HS6ST3: variants seen among roughly 807,000 people sequenced by gnomAD.
HS6ST3 encodes heparan-sulfate 6-O-sulfotransferase 3.
In HS6ST3, 12 loss-of-function variants were observed where a neutral mutation model predicts 36.7. The ratio of observed to expected loss-of-function variants is 0.33; its 90% CI spans 0.21 to 0.53. HS6ST3 has a LOEUF of 0.53. Among genes scored for constraint, HS6ST3 ranks in the 20% least tolerant of loss-of-function variants. The pLI is 0.95. For missense variants in HS6ST3, 584 were observed against 640.9 expected, an observed-to-expected ratio of 0.91 and a Z score of 0.96; for synonymous variants, 240 against 257.5, an observed-to-expected ratio of 0.93 and a Z score of 0.65.
At chr13:96,441,504 G>A (rs2055671074) in intron 1 of HS6ST3, among the ~76,000 whole-genome samples, 1 of 152,064 alleles carries the variant, frequency 6.6e-6, no homozygotes, top group Non-Finnish European at 1.5e-5. Flanking sequence ...ACACTGCAAA[G>A]AAGCCCAAGA....
At chr13:96,412,251 C>T (rs913989267) in intron 1 of HS6ST3, among the ~76,000 whole-genome samples, 1 of 152,106 alleles carries the variant, frequency 6.6e-6, no homozygotes, top group Non-Finnish European at 1.5e-5. Flanking sequence ...GATCTGTCCA[C>T]CTTGGCCTCC....
intron 1 of HS6ST3, among the ~76,000 whole-genome samples, chr13:96,395,343 T>A (rs184080613): frequency 3.9e-5 from 6 of 152,376 alleles, no homozygotes; most frequent in African/African-American, 1.4e-4. Flanking sequence ...TTATCTTTAA[T>A]AGCAGACTAA....
chr13:96,584,041 T>A (rs2056352040), intron 1 of HS6ST3, among the ~76,000 whole-genome samples: 1 of 152,208 alleles, frequency 6.6e-6, no homozygotes, highest in Admixed American at 6.5e-5. Context: ...CCTTCCATTT[T>A]ATTTCTCTTA....
chr13:96,669,944 AG>A (rs1215264795), intron 1 of HS6ST3, among the ~76,000 whole-genome samples: 1 of 152,156 alleles, frequency 6.6e-6, no homozygotes, highest in Non-Finnish European at 1.5e-5. Flanking sequence ...GGAGACAAAT[AG>A]GGGCTAGAAA....
At chr13:96,482,527 CT>C (rs1465360185) in intron 1 of HS6ST3, among the ~76,000 whole-genome samples, 1 of 146,300 alleles carries the variant, frequency 6.8e-6, no homozygotes, top group African/African-American at 2.5e-5. Flanking sequence ...AACTTTTTAT[CT>C]GGTCTCCTCT....
intron 1 of HS6ST3, among the ~76,000 whole-genome samples, chr13:96,748,390 CCTT>C (rs751871261): frequency 1.5e-4 from 23 of 151,928 alleles, no homozygotes; most frequent in Non-Finnish European, 2.5e-4. Flanking sequence ...AGGGGGAAAA[CCTT>C]CTAAAACAGT....
intron 1 of HS6ST3, among the ~76,000 whole-genome samples, chr13:96,424,571 A>C (rs969370827): frequency 6.6e-6 from 1 of 152,168 alleles, no homozygotes; most frequent in Non-Finnish European, 1.5e-5. Context: ...GGGAAGTCCA[A>C]GATGGAGGTG....
chr13:96,688,303 G>A (rs141639137), intron 1 of HS6ST3, among the ~76,000 whole-genome samples: 26 of 151,856 alleles, frequency 1.7e-4, no homozygotes, highest in African/African-American at 6.0e-4. Flanking sequence ...CCCTCTGGTG[G>A]TACTAAGCTA....
At chr13:96,690,639 T>C (rs534170129) in intron 1 of HS6ST3, among the ~76,000 whole-genome samples, 1 of 152,228 alleles carries the variant, frequency 6.6e-6, no homozygotes, top group South Asian at 2.1e-4. Flanking sequence ...CTTCAAGTGC[T>C]GTCAAGGACT....
chr13:96,437,280 A>G (rs1271513823), intron 1 of HS6ST3, among the ~76,000 whole-genome samples: 1 of 152,162 alleles, frequency 6.6e-6, no homozygotes. Context: ...CTGGCCACCC[A>G]TTCTGCACTG....
chr13:96,242,368 G>A (rs947562652), intron 1 of HS6ST3, among the ~76,000 whole-genome samples: 1 of 151,996 alleles, frequency 6.6e-6, no homozygotes, highest in Non-Finnish European at 1.5e-5. Flanking sequence ...GGGACTACAG[G>A]TGCACTCCTG....
intron 1 of HS6ST3, among the ~76,000 whole-genome samples, chr13:96,261,699 T>TTA (rs2054667312): frequency 6.6e-6 from 1 of 152,142 alleles, no homozygotes; most frequent in Non-Finnish European, 1.5e-5. Flanking sequence ...CAGTTGAACT[T>TTA]TAGAGTCTTT....
intron 1 of HS6ST3, among the ~76,000 whole-genome samples, 197 bp downstream of exon 1, chr13:96,091,766 C>T (rs936383891): frequency 1.3e-5 from 2 of 152,060 alleles, no homozygotes; most frequent in African/African-American, 4.8e-5. Context: ...TTCCCCCAGC[C>T]CCCACCGCTT....
At chr13:96,363,003 G>T (rs1002345973) in intron 1 of HS6ST3, among the ~76,000 whole-genome samples, 2 of 152,146 alleles carry the variant, frequency 1.3e-5, no homozygotes, top group Non-Finnish European at 2.9e-5. Flanking sequence ...AGGTTGGCAT[G>T]GGTTAGGGAT....
chr13:96,254,415 GAAAAAAAAAAAAAAAAAAAA>G (rs1174704709), intron 1 of HS6ST3, among the ~76,000 whole-genome samples: 37 of 21,494 alleles, frequency 1.7e-3, no homozygotes, highest in African/African-American at 9.8e-3. Context: ...CTCTGTCTCA[GAAAAAAAAAAAAAAAAAAAA>G]AAAAAAAAAA....
At chr13:96,793,119 T>C (rs1877830897) in intron 1 of HS6ST3, among the ~76,000 whole-genome samples, 1 of 152,054 alleles carries the variant, frequency 6.6e-6, no homozygotes, top group Non-Finnish European at 1.5e-5. Context: ...TCATAGCCCT[T>C]GACCTTTTAG....
At chr13:96,496,043 T>C (rs1317977231) in intron 1 of HS6ST3, among the ~76,000 whole-genome samples, 1 of 152,140 alleles carries the variant, frequency 6.6e-6, no homozygotes, top group East Asian at 1.9e-4. Flanking sequence ...TGTCTTGCTG[T>C]TTGGGCCACA....
intron 1 of HS6ST3, among the ~76,000 whole-genome samples, chr13:96,448,621 C>T (rs1235515647): frequency 6.6e-6 from 1 of 152,090 alleles, no homozygotes; most frequent in East Asian, 1.9e-4. Flanking sequence ...GTTCTCTTTG[C>T]CCCTGTACAT....
intron 1 of HS6ST3, among the ~76,000 whole-genome samples, chr13:96,465,711 A>T (rs2055810303): frequency 6.6e-6 from 1 of 152,130 alleles, no homozygotes; most frequent in Admixed American, 6.5e-5. Flanking sequence ...TGGTGCTTAC[A>T]TAGGTGTTCA....
Sources: allele counts gnomAD v4.1 joint callset (sites outside exome capture counted in the v4.1 genomes callset), GRCh38; gene constraint gnomAD v4.1.1; transcripts MANE v1.5; gene names NCBI Gene and HGNC (gene_info 2026-07-23, HGNC 2026-07-21).